Variants in ZMYND8 observed in about 807,000 individuals in gnomAD.
The protein encoded by ZMYND8 is zinc finger MYND-type containing 8, also known as MYND-type zinc finger-containing chromatin reader ZMYND8.
Under a neutral mutation model 140.8 loss-of-function variants are expected in ZMYND8, and 37 were observed. That is an observed-to-expected ratio of 0.26 (90% CI 0.20 to 0.35). The LOEUF (loss-of-function observed/expected upper bound fraction) is 0.35. Ranked by LOEUF, ZMYND8 falls within the 10% of genes least tolerant of loss-of-function variation. The probability of loss-of-function intolerance (pLI) is 1.00; values close to 1 mark genes in which losing one functional copy is unlikely to be tolerated. For missense variants in ZMYND8, 1,068 were observed against 1,570.0 expected (o/e 0.68, Z 5.40); for synonymous variants, 592 against 597.1 (o/e 0.99, Z 0.12).
intron 16 of ZMYND8, among the ~76,000 whole-genome samples, chr20:47,230,355 G>C (rs947141298): frequency 1.3e-5 from 2 of 151,572 alleles, no homozygotes; most frequent in Admixed American, 6.6e-5. Flanking sequence ...GCAGGGGCGT[G>C]ATCTTGGCTC....
chr20:47,223,471 C>CTCCA (rs754238352), intron 19 of ZMYND8, among the ~76,000 whole-genome samples: 3 of 151,854 alleles, frequency 2.0e-5, no homozygotes, highest in Non-Finnish European at 2.9e-5. Context: ...TGTCACTGCA[C>CTCCA]TCCAGCCTGG....
At position 47,233,341 on chromosome 20, in the gene ZMYND8, C is replaced by T. The variant is rs551178903; in HGVS notation, c.2856+2985G>A. Among the ~76,000 whole-genome samples, 13 of 151,832 alleles carry T rather than the reference C, an allele frequency of 8.6e-5. No homozygotes were observed. In the South Asian group the frequency reaches 2.7e-3, roughly 32 times the overall value. On this transcript the variant is annotated intron_variant, in intron 16 of 22. Coordinates refer to ENST00000471951, the MANE Select transcript of ZMYND8 (RefSeq NM_001281775.3). Reference sequence around the variant, plus strand: ...CCTCCCATCTCAGCCTCCCGAATAGCTGAGACTACCGGCATGTGCCACCAG... The same window carrying T: ...CCTCCCATCTCAGCCTCCCGAATAGTTGAGACTACCGGCATGTGCCACCAG...
intron 12 of ZMYND8, among the ~76,000 whole-genome samples, chr20:47,253,697 TAAACCTTAGGGTC>T (rs2074371472): frequency 1.3e-5 from 2 of 152,206 alleles, no homozygotes; most frequent in South Asian, 4.1e-4. Context: ...ACAACCTTTC[TAAACCTTAGGGTC>T]CATAAAAAGA....
chr20:47,352,083 G>A, intron 1 of ZMYND8: 1 of 853,202 alleles, frequency 1.2e-6, no homozygotes, highest in Non-Finnish European at 1.4e-6. Flanking sequence ...GTTAGGAATC[G>A]TGCAGCCCCG....
intron 2 of ZMYND8, among the ~76,000 whole-genome samples, chr20:47,320,912 G>A (rs1223760432): frequency 1.3e-5 from 2 of 152,144 alleles, no homozygotes; most frequent in African/African-American, 4.8e-5. Context: ...TCATGATGCA[G>A]CCATAAAATG....
intron 10 of ZMYND8, among the ~76,000 whole-genome samples, chr20:47,281,693 GA>G (rs1445089833): frequency 6.6e-6 from 1 of 152,172 alleles, no homozygotes; most frequent in African/African-American, 2.4e-5. Context: ...ATGATGATAA[GA>G]GATTCATTTA....
chr20:47,251,541 T>C (rs897302226), intron 12 of ZMYND8, among the ~76,000 whole-genome samples: 6 of 151,226 alleles, frequency 4.0e-5, no homozygotes, highest in African/African-American at 1.5e-4. Flanking sequence ...GAGCCATGAT[T>C]GCGTCACTGC....
At chr20:47,244,979 C>T (rs1285214885) in intron 14 of ZMYND8, among the ~76,000 whole-genome samples, 1 of 152,094 alleles carries the variant, frequency 6.6e-6, no homozygotes, top group Non-Finnish European at 1.5e-5. Flanking sequence ...ATCACTTGAA[C>T]CCGGGAGGCG....
chr20:47,334,025 A>C (rs2081189235), intron 2 of ZMYND8, among the ~76,000 whole-genome samples: 1 of 152,252 alleles, frequency 6.6e-6, no homozygotes, highest in South Asian at 2.1e-4. Context: ...AGCTTAGCCT[A>C]GCCTACCTTA....
At chr20:47,241,425 A>C (rs2039958066) in intron 14 of ZMYND8, among the ~76,000 whole-genome samples, 1 of 152,176 alleles carries the variant, frequency 6.6e-6, no homozygotes, top group Non-Finnish European at 1.5e-5. Flanking sequence ...GGAGTATGTC[A>C]TCTTGGAGGA....
At chr20:47,263,932 T>G (rs2075324752) in intron 11 of ZMYND8, among the ~76,000 whole-genome samples, 1 of 152,232 alleles carries the variant, frequency 6.6e-6, no homozygotes, top group African/African-American at 2.4e-5. Flanking sequence ...AACCACTGAT[T>G]CTCAGCTATG....
At chr20:47,340,293 G>A (rs1409509408) in intron 2 of ZMYND8, among the ~76,000 whole-genome samples, 1 of 151,948 alleles carries the variant, frequency 6.6e-6, no homozygotes, top group Non-Finnish European at 1.5e-5. Flanking sequence ...AAATCATTGG[G>A]GTAAGTAAGA....
intron 2 of ZMYND8, chr20:47,318,458 T>C (rs913303307): frequency 3.0e-6 from 1 of 338,830 alleles, no homozygotes; most frequent in African/African-American, 2.2e-5. Context: ...CAACCAGTAA[T>C]TACATCATAA....
chr20:47,212,051 CTGCCTTCTTA>C (rs2035347025), intron 22 of ZMYND8, among the ~76,000 whole-genome samples: 1 of 152,242 alleles, frequency 6.6e-6, no homozygotes, highest in Non-Finnish European at 1.5e-5. Context: ...AATCCTCAAT[CTGCCTTCTTA>C]TGCCTTCTTC....
chr20:47,265,068 A>ATATATATATATATG (rs1555948705), intron 11 of ZMYND8, among the ~76,000 whole-genome samples: 2,784 of 144,480 alleles, frequency 0.019, 115 homozygotes, highest in African/African-American at 0.066. Context: ...ATATATATAT[A>ATATATATATATATG]GGCATTTTAA....
At chr20:47,333,535 G>A (rs2081120583) in intron 2 of ZMYND8, among the ~76,000 whole-genome samples, 1 of 151,952 alleles carries the variant, frequency 6.6e-6, no homozygotes, top group Non-Finnish European at 1.5e-5. Flanking sequence ...AGACCATCCT[G>A]GCCAACATGG....
chr20:47,246,471 G>C lies in ZMYND8; in HGVS notation c.1821C>G (p.Ser607Arg), dbSNP rs780605842. The C allele has an allele frequency of 6.2e-7, 1 of 1,613,106 alleles. No homozygotes were observed. The highest frequency in any genetic ancestry group is 8.5e-7 in the Non-Finnish European group (1 of 1,179,956). ...SEDVYTAVEH[S>R]DSEDSEKSDS... ...CTGACTTCTCAGAATCCTCCGAATC[G>C]CTGTGCTCTACGGCCGTATAGACAT... The change falls in exon 14 of 23, where the codon AGC becomes AGG. Residue 607 changes from serine to arginine, a missense_variant. Physicochemically the swap from Ser to Arg is moderately radical, Grantham distance 110. Around this residue, in one of 10 missense-constraint regions of ZMYND8, gnomAD observed 383 missense variants for 431.2 expected, o/e 0.89. Coordinates refer to ENST00000471951, the MANE Select transcript of ZMYND8 (RefSeq NM_001281775.3).
At chr20:47,288,545 C>T (rs2077063088) in intron 7 of ZMYND8, among the ~76,000 whole-genome samples, 1 of 152,028 alleles carries the variant, frequency 6.6e-6, no homozygotes, top group Admixed American at 6.6e-5. Context: ...AGGCATGCGC[C>T]ACCACACCCA....
intron 2 of ZMYND8, chr20:47,318,837 C>T: frequency 2.7e-6 from 2 of 730,194 alleles, no homozygotes; most frequent in South Asian, 2.9e-5. Flanking sequence ...GGAAATGAGG[C>T]TGTGGAATGA....
Sources: gnomAD v4.1 joint callset for allele counts (sites outside exome capture counted in the v4.1 genomes callset) on GRCh38, gnomAD v4.1.1 for gene constraint, gnomAD v4.1.1 regional missense constraint, MANE v1.5 for transcripts, NCBI Gene and HGNC (gene_info 2026-07-23, HGNC 2026-07-21) for gene names.